Variants in CSF1R observed in about 807,000 individuals in gnomAD.
CSF1R encodes colony stimulating factor 1 receptor.
Under a neutral mutation model 110.0 loss-of-function variants are expected in CSF1R, and 40 were observed. The ratio of observed to expected loss-of-function variants is 0.36; its 90% CI spans 0.28 to 0.47. The LOEUF is 0.47. CSF1R is among the 20% of genes least tolerant of loss of function. The pLI is 0.99. For synonymous variants in CSF1R, 523 were observed against 503.4 expected (o/e 1.04, Z -0.52); for missense variants, 1,052 against 1,253.0 (o/e 0.84, Z 2.42).
At position 150,086,364 on chromosome 5, in the gene CSF1R, C is replaced by T. The variant is rs748537577; in HGVS notation, c.49+15G>A. On this transcript the variant is annotated intron_variant, in intron 1 of 20. Coordinates refer to ENST00000675795, the MANE Select transcript of CSF1R (RefSeq NM_001288705.3). ...ACACCCCAACAAAGTCCCCCACCCC[C>T]CGTTCTGCTCTTACCATGCCAAGCT... is the stretch of plus-strand genomic sequence containing the variant. 1 of 1,599,360 alleles carries T rather than the reference C, an allele frequency of 6.3e-7. No homozygotes were observed. The highest frequency in any genetic ancestry group is 8.5e-7 in the Non-Finnish European group (1 of 1,172,528).
At chr5:150,068,851 C>T (rs1426234258) in intron 9 of CSF1R, among the ~76,000 whole-genome samples, 2 of 152,240 alleles carry the variant, frequency 1.3e-5, no homozygotes, top group African/African-American at 2.4e-5. Flanking sequence ...AGAATCTATA[C>T]TACTAGTTCT....
At chr5:150,054,666 A>T in intron 19 of CSF1R, 1 of 498,596 alleles carries the variant, frequency 2.0e-6, no homozygotes. Context: ...TGGTATCCTC[A>T]GGGTAACTGT....
At chr5:150,097,288 A>G (rs1416315437) in intron 1 of CSF1R, among the ~76,000 whole-genome samples, 2 of 112,534 alleles carry the variant, frequency 1.8e-5, no homozygotes, top group Non-Finnish European at 3.7e-5. Flanking sequence ...AAGGAAGGAG[A>G]AGGAGAAGGG....
intron 13 of CSF1R, 111 bp from the exon 14 acceptor site, chr5:150,059,973 A>C: frequency 4.0e-6 from 5 of 1,243,166 alleles, no homozygotes; most frequent in Non-Finnish European, 5.5e-6. Flanking sequence ...AGCATAGCTG[A>C]GTTCTAACCT....
chr5:150,105,989 G>A (rs1241114121), intron 1 of CSF1R, among the ~76,000 whole-genome samples: 1 of 152,240 alleles, frequency 6.6e-6, no homozygotes, highest in Non-Finnish European at 1.5e-5. Flanking sequence ...CTTGCCCAAA[G>A]TCCCAGAGCC....
chr5:150,080,717 A>C (rs982442420), intron 2 of CSF1R, 50 bp downstream of exon 2: 2 of 1,607,516 alleles, frequency 1.2e-6, no homozygotes, highest in African/African-American at 2.7e-5. Context: ...GGCCCATTGT[A>C]GTGGGGCCTG....
Position 150,100,290 on chromosome 5 carries a change from C to CTTTTTTTTTTTTTTTTTTTTTTTTT in CSF1R, c.-181+12970_-181+12971insAAAAAAAAAAAAAAAAAAAAAAAAA, listed in dbSNP as rs752638971. On this transcript the variant is annotated intron_variant, in intron 1 of 21. Transcript: ENST00000286301. ...AGTGAACCTAAGATCATTGGCTAAC[C>CTTTTTTTTTTTTTTTTTTTTTTTTT]TTTTTTTTTTTTTTTTTTTTTTTCT... Among the ~76,000 whole-genome samples, 5 of 89,348 alleles carry CTTTTTTTTTTTTTTTTTTTTTTTTT rather than the reference C, an allele frequency of 5.6e-5. 1 individual carries two copies. Among genetic ancestry groups the CTTTTTTTTTTTTTTTTTTTTTTTTT allele is most frequent in the Non-Finnish European group, 6.2e-5 (3 of 48,176 alleles). The allele number at this position is 89,348 out of a possible 152,430, so 58.6% of individuals were successfully genotyped here.
At chr5:150,073,889 G>A (rs1430294532) in intron 5 of CSF1R, among the ~76,000 whole-genome samples, 2 of 152,164 alleles carry the variant, frequency 1.3e-5, no homozygotes, top group Non-Finnish European at 2.9e-5. Flanking sequence ...TCATAAATTA[G>A]TCAATGCGGC....
chr5:150,099,001 C>G (rs942750275), intron 1 of CSF1R, among the ~76,000 whole-genome samples: 1 of 148,880 alleles, frequency 6.7e-6, no homozygotes, highest in African/African-American at 2.5e-5. Context: ...TCAAGCGATT[C>G]TCCTGCCTCA....
At chr5:150,104,991 G>T (rs1267323210) in intron 1 of CSF1R, among the ~76,000 whole-genome samples, 1 of 149,694 alleles carries the variant, frequency 6.7e-6, no homozygotes, top group Non-Finnish European at 1.5e-5. Context: ...TGATTCTCTT[G>T]CCTCAGCCTC....
In CSF1R at chr5:150,054,179, T is replaced by A; in HGVS notation, c.2809A>T (p.Ser937Cys). The change falls in exon 21 of 21, where the codon AGC (serine) becomes TGC (cysteine). Residue 937 changes from serine to cysteine, a missense_variant. Ser to Cys is a moderately radical substitution (Grantham distance 112). Transcript: ENST00000675795. Reference sequence around the variant, plus strand: ...TCCTCCTCCAGCTCACTGCTGCTGCTGCCGCTGCCACCGCTTCTGCTGCTG... The same window carrying A: ...TCCTCCTCCAGCTCACTGCTGCTGCAGCCGCTGCCACCGCTTCTGCTGCTG... ...PSSSRSGGSG[S>C]SSSELEEESS... 6.2e-7 allele frequency: 1 copy of A among 1,612,692 alleles called. No individual in the cohort carries two copies. The highest frequency in any genetic ancestry group is 8.5e-7 in the Non-Finnish European group (1 of 1,179,422).
intron 1 of CSF1R, among the ~76,000 whole-genome samples, chr5:150,106,791 T>C (rs960588813): frequency 1.3e-5 from 2 of 152,126 alleles, no homozygotes; most frequent in Admixed American, 6.6e-5. Flanking sequence ...ACCCCCACAC[T>C]CCTTCTTCCT....
At chr5:150,089,001 A>C (rs1010951426), upstream of CSF1R, among the ~76,000 whole-genome samples, 1 of 152,238 alleles carries the variant, frequency 6.6e-6, no homozygotes, top group Non-Finnish European at 1.5e-5. Flanking sequence ...TGTAACTGTA[A>C]AACCCAACAT....
chr5:150,080,723 G>A (rs185339875), intron 2 of CSF1R, 44 bp downstream of exon 2: 1 of 1,611,204 alleles, frequency 6.2e-7, no homozygotes, highest in Admixed American at 1.7e-5. Flanking sequence ...TTGTAGTGGG[G>A]CCTGCCGGGT....
intron 1 of CSF1R, among the ~76,000 whole-genome samples, chr5:150,108,500 G>A (rs1047924078): frequency 1.2e-4 from 18 of 152,260 alleles, no homozygotes; most frequent in South Asian, 8.3e-4. Flanking sequence ...ACTTTGCTGG[G>A]CCACGGGGAG....
rs559579919 is a variant in CSF1R at position 150,078,214 on chromosome 5, A to T, written c.627T>A (p.Pro209=). 1.2e-6 allele frequency: 2 copies of T among 1,614,074 alleles called. No individual in the cohort carries two copies. The highest frequency in any genetic ancestry group is 1.7e-6 in the Non-Finnish European group (2 of 1,179,982). Residue 209 remains proline (P), a synonymous_variant, in exon 4 of 21, where the codon CCT becomes CCA. Transcript: ENST00000675795. Reference sequence around the variant, plus strand: ...CCCCTCGAATCCGCACCAGCTCTGCAGGCACCAGTGTCAAGGCTGGGGGCC... The same window carrying T: ...CCCCTCGAATCCGCACCAGCTCTGCTGGCACCAGTGTCAAGGCTGGGGGCC... ...IPGPPALTLV[P]AELVRIRGEA...
chr5:150,091,901 T>G lies in CSF1R; in HGVS notation c.-180-5294A>C, dbSNP rs542675647. 6.3e-5 allele frequency among the ~76,000 whole-genome samples: 6 copies of G among 95,718 alleles called. No individual in the cohort carries two copies. In the East Asian group the frequency reaches 1.7e-3, roughly 28 times the overall value. 62.8% of individuals were successfully genotyped at this position (95,718 alleles called of 152,430 possible). Reference sequence around the variant, plus strand: ...AAAATCCTAAGGGAAGTTCTTTAGGTAAAAGGAGTATGATACCAGCTAGAA... The same window carrying G: ...AAAATCCTAAGGGAAGTTCTTTAGGGAAAAGGAGTATGATACCAGCTAGAA... On this transcript the variant is annotated intron_variant, in intron 1 of 21. Coordinates refer to the CSF1R transcript ENST00000286301.
Position 150,056,360 on chromosome 5 carries a change from G to C in CSF1R, c.2320-19C>G, listed in dbSNP as rs1757219287. Reference sequence around the variant, plus strand: ...GGATGCACTGAGGGAAAGCACTGCAGGGTTAGTCTTGGGCCTTCTCCTACC... The same window carrying C: ...GGATGCACTGAGGGAAAGCACTGCACGGTTAGTCTTGGGCCTTCTCCTACC... On this transcript the variant is annotated intron_variant, in intron 16 of 20. Coordinates refer to ENST00000675795, the MANE Select transcript of CSF1R (RefSeq NM_001288705.3). 3 of 1,613,928 alleles carry C rather than the reference G, an allele frequency of 1.9e-6. No individual in the cohort carries two copies. The highest frequency in any genetic ancestry group is 2.5e-6 in the Non-Finnish European group (3 of 1,179,968).
chr5:150,103,042 A>G (rs1446554293), intron 1 of CSF1R, among the ~76,000 whole-genome samples: 1 of 152,256 alleles, frequency 6.6e-6, no homozygotes, highest in Non-Finnish European at 1.5e-5. Context: ...GGTCACAGGC[A>G]ATCAGTGAAG....
Sources: gnomAD v4.1 joint callset for allele counts (sites outside exome capture counted in the v4.1 genomes callset) on GRCh38, gnomAD v4.1.1 for gene constraint, MANE v1.5 for transcripts, NCBI Gene and HGNC (gene_info 2026-07-23, HGNC 2026-07-21) for gene names.